Variants in KIF13B observed in about 807,000 individuals in gnomAD.
KIF13B encodes the protein kinesin-like protein KIF13B.
In KIF13B, 127 loss-of-function variants were observed where a neutral mutation model predicts 222.0. The observed-to-expected ratio is 0.57, with a 90% CI of 0.50 to 0.66. KIF13B has a LOEUF of 0.66. KIF13B is among the 30% of genes least tolerant of loss of function. The pLI, the probability that KIF13B is intolerant of heterozygous loss-of-function variation, is 0.00. For missense variants in KIF13B, 2,173 were observed against 2,379.0 expected (o/e 0.91, Z 1.80); for synonymous variants, 976 against 919.0 (o/e 1.06, Z -1.12).
chr8:29,116,114 C>T (rs1472595885), intron 31 of KIF13B, among the ~76,000 whole-genome samples: 1 of 152,210 alleles, frequency 6.6e-6, no homozygotes, highest in Non-Finnish European at 1.5e-5. Context: ...CCAGACTGGA[C>T]TCAAACTCCT....
chr8:29,207,259 C>T (rs556239052), intron 2 of KIF13B, among the ~76,000 whole-genome samples: 3 of 152,310 alleles, frequency 2.0e-5, no homozygotes, highest in South Asian at 4.1e-4. Context: ...TCACTTCTAT[C>T]CTTTCGGTTA....
At chr8:29,144,691 C>T (rs1810975259) in intron 18 of KIF13B, among the ~76,000 whole-genome samples, 1 of 152,110 alleles carries the variant, frequency 6.6e-6, no homozygotes, top group Non-Finnish European at 1.5e-5. Flanking sequence ...ACTATAATAG[C>T]AACGGGCAAT....
chr8:29,225,194 G>A (rs906033015), intron 2 of KIF13B, among the ~76,000 whole-genome samples: 7 of 152,204 alleles, frequency 4.6e-5, no homozygotes, highest in African/African-American at 1.2e-4. Context: ...AGAAAGGCAG[G>A]GCCACATGTG....
intron 23 of KIF13B, among the ~76,000 whole-genome samples, chr8:29,131,898 A>C (rs570843159): frequency 1.3e-5 from 2 of 152,346 alleles, no homozygotes; most frequent in East Asian, 3.9e-4. Flanking sequence ...TCATGCTCAG[A>C]AAATAGTAAC....
At chr8:29,106,797 C>T (rs192091655) in intron 35 of KIF13B, among the ~76,000 whole-genome samples, 1 of 152,208 alleles carries the variant, frequency 6.6e-6, no homozygotes, top group Admixed American at 6.5e-5. Flanking sequence ...TAAGAATTAT[C>T]ATGAAGCAGC....
chr8:29,115,284 T>A (rs1809539950), intron 31 of KIF13B, among the ~76,000 whole-genome samples: 1 of 151,056 alleles, frequency 6.6e-6, no homozygotes, highest in South Asian at 2.1e-4. Flanking sequence ...CCAGACGCAA[T>A]CTCCCAAATC....
In KIF13B at chr8:29,147,486, G is replaced by A. The variant is rs1439571543; in HGVS notation, c.1930C>T (p.Leu644=). The A allele has an allele frequency of 2.5e-6, 4 of 1,613,428 alleles. No homozygotes were observed. Among genetic ancestry groups the A allele is most frequent in the Non-Finnish European group, 3.4e-6 (4 of 1,179,702 alleles). The change falls in exon 17 of 40, where the codon CTG becomes TTG. Residue 644 remains leucine, a synonymous_variant. Coordinates refer to ENST00000524189, the MANE Select transcript of KIF13B (RefSeq NM_015254.4). The part of the protein sequence containing the change: ...EHELEQLRRR[L]SPEKQNCRSM... ...CGGCAGTTCTGCTTCTCAGGAGACA[G>A]CCTTCTCCGGAGCTGCTCCAATTCG...
intron 35 of KIF13B, among the ~76,000 whole-genome samples, chr8:29,101,715 C>T (rs926299606): frequency 6.6e-6 from 1 of 152,144 alleles, no homozygotes; most frequent in African/African-American, 2.4e-5. Context: ...CCTTGAGGAA[C>T]CTCACATGCT....
At chr8:29,151,487 C>T (rs913354746) in intron 14 of KIF13B, among the ~76,000 whole-genome samples, 1 of 152,198 alleles carries the variant, frequency 6.6e-6, no homozygotes. Context: ...CAATGGCAGG[C>T]TGATTCTCTT....
At chr8:29,179,993 G>A (rs1812643402) in intron 8 of KIF13B, 111 bp downstream of exon 8, 2 of 1,210,070 alleles carry the variant, frequency 1.7e-6, no homozygotes, top group East Asian at 4.7e-5. Flanking sequence ...AGTCCTCATT[G>A]ATACACAAGT....
intron 1 of KIF13B, among the ~76,000 whole-genome samples, chr8:29,247,833 CAA>C (rs57720312): frequency 0.039 from 2,098 of 54,356 alleles, 35 homozygotes; most frequent in African/African-American, 0.12. Context: ...GACCCTGTCT[CAA>C]AAAAAAAAAA....
chr8:29,150,019 C>T (rs1051398320), intron 15 of KIF13B, among the ~76,000 whole-genome samples: 2 of 152,074 alleles, frequency 1.3e-5, no homozygotes, highest in African/African-American at 2.4e-5. Flanking sequence ...TCTTACACCA[C>T]ACGGCAAAAG....
Position 29,070,157 on chromosome 8 carries a change from G to A in KIF13B, c.*347C>T, listed in dbSNP as rs1807187418. The A allele has an allele frequency of 1.5e-5, 5 of 332,012 alleles. No homozygotes were observed. The highest frequency in any genetic ancestry group is 2.8e-5 in the Non-Finnish European group (5 of 179,784). 20.6% of individuals were successfully genotyped at this position (332,012 alleles called of 1,614,324 possible). A position where few individuals can be genotyped will look rare whatever the true frequency, so the allele number is the denominator to read the frequency against. ...AAGACATTAGTGGGGCCACCAGAAT[G>A]GAAATGATAGAAAGAGCAACATAAG... On this transcript the variant is annotated 3_prime_UTR_variant, in exon 40 of 40. Transcript: ENST00000524189. This position sits in a 1 kb window ranked among gnomAD's most constrained non-coding sequence, Gnocchi z 4.1.
chr8:29,233,775 G>T (rs1815386808), intron 2 of KIF13B, among the ~76,000 whole-genome samples: 1 of 152,186 alleles, frequency 6.6e-6, no homozygotes, highest in African/African-American at 2.4e-5. Context: ...GACTGCTTGA[G>T]CCCAGGAGTT....
chr8:29,149,943 C>T (rs992066667), intron 15 of KIF13B, among the ~76,000 whole-genome samples: 12 of 151,986 alleles, frequency 7.9e-5, no homozygotes, highest in Non-Finnish European at 1.2e-4. Context: ...ACTAAAACCA[C>T]GACTACGTTT....
At chr8:29,146,285 C>A in intron 18 of KIF13B, 93 bp downstream of exon 18, 1 of 1,326,306 alleles carries the variant, frequency 7.5e-7, no homozygotes, top group Non-Finnish European at 1.1e-6. Context: ...GGGGCAGGCA[C>A]AGACAGGGAT....
intron 37 of KIF13B, among the ~76,000 whole-genome samples, chr8:29,084,060 G>A (rs975567156): frequency 1.3e-5 from 2 of 151,958 alleles, no homozygotes; most frequent in African/African-American, 4.8e-5. Context: ...GATTACAGGC[G>A]CCCACCACCA....
At chr8:29,240,037 G>GAA (rs35425328) in intron 2 of KIF13B, among the ~76,000 whole-genome samples, 388 of 131,746 alleles carry the variant, frequency 2.9e-3, no homozygotes, top group African/African-American at 0.01. Flanking sequence ...CACAAAAGAG[G>GAA]AAAAAAAAAA....
At chr8:29,215,084 T>C (rs932496307) in intron 2 of KIF13B, among the ~76,000 whole-genome samples, 1 of 152,120 alleles carries the variant, frequency 6.6e-6, no homozygotes, top group African/African-American at 2.4e-5. Context: ...GGCTCCACGC[T>C]CCCTGCATGA....
Sources: gnomAD v4.1 joint callset for allele counts (sites outside exome capture counted in the v4.1 genomes callset) on GRCh38, gnomAD v4.1.1 for gene constraint, Gnocchi (gnomAD v3.1) non-coding constraint, MANE v1.5 for transcripts, NCBI Gene and HGNC (gene_info 2026-07-23, HGNC 2026-07-21) for gene names.